Variants in RHPN2 observed in about 807,000 individuals in gnomAD.
RHPN2 encodes rhophilin Rho GTPase binding protein 2.
In RHPN2, 40 loss-of-function variants were observed where a neutral mutation model predicts 79.0. That is an observed-to-expected ratio of 0.51 (90% CI 0.39 to 0.66). The LOEUF is 0.66. RHPN2 is among the 30% of genes least tolerant of loss of function. RHPN2 has a pLI of 0.00. For synonymous variants in RHPN2, 285 were observed against 363.5 expected (o/e 0.78, Z 2.46); for missense variants, 686 against 883.5 (o/e 0.78, Z 2.83).
chr19:33,043,591 C>G (rs1408805597), intron 2 of RHPN2, among the ~76,000 whole-genome samples: 1 of 152,126 alleles, frequency 6.6e-6, no homozygotes, highest in Non-Finnish European at 1.5e-5. Context: ...TAACCATGGT[C>G]TCCAGTAGAA....
chr19:33,003,134 A>T, intron 7 of RHPN2, 134 bp from the exon 8 acceptor site: 2 of 758,274 alleles, frequency 2.6e-6, no homozygotes, highest in Non-Finnish European at 4.5e-6. Context: ...CGAAGTGAGC[A>T]GATCACTTGT....
chr19:33,022,119 T>A (rs1047093354), intron 3 of RHPN2, among the ~76,000 whole-genome samples: 3 of 148,808 alleles, frequency 2.0e-5, no homozygotes, highest in African/African-American at 7.6e-5. Context: ...TTTTGTATAT[T>A]TTTTTAGTAG....
intron 2 of RHPN2, among the ~76,000 whole-genome samples, chr19:33,043,743 C>T (rs1237319847): frequency 6.6e-6 from 1 of 152,124 alleles, no homozygotes; most frequent in Non-Finnish European, 1.5e-5. Flanking sequence ...GGGTAAGTAA[C>T]TGTTTTACCA....
intron 1 of RHPN2, among the ~76,000 whole-genome samples, chr19:33,063,859 GACA>G (rs1166185194): frequency 2.9e-5 from 4 of 138,184 alleles, no homozygotes; most frequent in South Asian, 4.9e-4. Flanking sequence ...AAGTCTCCCG[GACA>G]ACAAGACAAA....
rs2145235553 is a variant in RHPN2, at chr19:33,008,043, C to A, written c.731G>T (p.Ser244Ile). ...GGCTCTCTGAAAGGCATCTATGGCA[C>A]TCTCCAGCCCAGCCTGCGTCTGCCG... ...CDRQTQAGLE[S>I]AIDAFQRAAG... The change falls in exon 7 of 15, where the codon AGT becomes ATT. Residue 244 changes from serine to isoleucine, a missense_variant. Physicochemically the swap from Ser to Ile is moderately radical, Grantham distance 142 (BLOSUM62 -2). Coordinates refer to ENST00000254260, the MANE Select transcript of RHPN2 (RefSeq NM_033103.5). The A allele has an allele frequency of 6.2e-7, 1 of 1,612,898 alleles. No individual in the cohort carries two copies. Among genetic ancestry groups the A allele is most frequent in the African/African-American group, 1.3e-5 (1 of 74,984 alleles).
chr19:33,002,921 G>C lies in RHPN2; in HGVS notation c.840C>G (p.Val280=), dbSNP rs762475495. Residue 280 remains valine (V), a synonymous_variant, in exon 8 of 15, where the codon GTC becomes GTG. Transcript: ENST00000254260. ...DMSPAMLSVL[V]KMMLAQAQES... ...CTTGGGCTTGTGCAAGCATCATTTT[G>C]ACGAGCACGCTGAGCATGGCAGGGC... 18 of 1,613,938 alleles carry C rather than the reference G, an allele frequency of 1.1e-5. No homozygotes were observed. The Admixed American group carries it at 2.8e-4, about 25-fold the overall frequency.
At chr19:32,981,913 A>C (rs1224779916) in intron 14 of RHPN2, among the ~76,000 whole-genome samples, 2 of 151,994 alleles carry the variant, frequency 1.3e-5, no homozygotes, top group African/African-American at 4.8e-5. Flanking sequence ...CTTTCCAAGA[A>C]TCATGTAGGA....
intron 3 of RHPN2, among the ~76,000 whole-genome samples, chr19:33,023,848 G>A (rs1375435520): frequency 2.0e-5 from 3 of 151,870 alleles, no homozygotes; most frequent in Non-Finnish European, 4.4e-5. Flanking sequence ...ATGGTGCCGT[G>A]TTGAATCTGC....
At chr19:33,025,486 A>G (rs1435062302) in intron 3 of RHPN2, among the ~76,000 whole-genome samples, 2 of 152,046 alleles carry the variant, frequency 1.3e-5, no homozygotes, top group Non-Finnish European at 2.9e-5. Flanking sequence ...TGTGTCAAAA[A>G]AAAAAAAGGA....
chr19:33,054,137 A>G (rs1972211939), intron 1 of RHPN2, among the ~76,000 whole-genome samples: 1 of 151,392 alleles, frequency 6.6e-6, no homozygotes. Context: ...TGCTGGGATC[A>G]TAGGTGTGAG....
intron 1 of RHPN2, chr19:33,051,634 G>T: frequency 5.3e-6 from 1 of 189,202 alleles, no homozygotes; most frequent in South Asian, 9.2e-5. Flanking sequence ...GTTATCCTAG[G>T]TGAAATCTGT....
chr19:33,058,131 G>T (rs562752766), intron 1 of RHPN2, among the ~76,000 whole-genome samples: 19 of 152,310 alleles, frequency 1.2e-4, no homozygotes, highest in African/African-American at 4.1e-4. Context: ...CTGCACTCCA[G>T]CCTGGGCAAC....
In RHPN2 at chr19:33,013,199, AAACAAAAAAC is replaced by A. The variant is rs758641386; in HGVS notation, c.391-485_391-476del. Among the ~76,000 whole-genome samples, 258 of 92,788 alleles carry A rather than the reference AAACAAAAAAC, an allele frequency of 2.8e-3. 3 individuals carry two copies. Among genetic ancestry groups the A allele is most frequent in the South Asian group, 0.014 (34 of 2,396 alleles). 60.9% of individuals were successfully genotyped at this position (92,788 alleles called of 152,430 possible). ...CCATAGTTTTTTTTTAAAAAAACAA[AAACAAAAAAC>A]AAAAAACAGAGTTTCACTCCTGTTG... On this transcript the variant is annotated intron_variant, in intron 4 of 14. Transcript: ENST00000254260.
At chr19:32,989,430 G>A (rs1971637422) in intron 14 of RHPN2, among the ~76,000 whole-genome samples, 1 of 152,078 alleles carries the variant, frequency 6.6e-6, no homozygotes, top group African/African-American at 2.4e-5. Flanking sequence ...AATTAAAGGC[G>A]GTAACTGTGC....
chr19:33,047,143 G>A (rs903854830), intron 1 of RHPN2, among the ~76,000 whole-genome samples: 2 of 152,126 alleles, frequency 1.3e-5, no homozygotes, highest in African/African-American at 2.4e-5. Flanking sequence ...TTACAGGTGT[G>A]AGCCACCACA....
intron 2 of RHPN2, among the ~76,000 whole-genome samples, chr19:33,041,295 A>G (rs1312753861): frequency 6.6e-6 from 1 of 152,070 alleles, no homozygotes; most frequent in Non-Finnish European, 1.5e-5. Flanking sequence ...CTAATTTACA[A>G]CTGAAACCAC....
intron 1 of RHPN2, among the ~76,000 whole-genome samples, chr19:33,052,740 A>G (rs1972199163): frequency 6.6e-6 from 1 of 152,190 alleles, no homozygotes; most frequent in Non-Finnish European, 1.5e-5. Flanking sequence ...TGAATTCAGT[A>G]CTTGTCAACA....
At chr19:33,052,987 T>A (rs58603102) in intron 1 of RHPN2, among the ~76,000 whole-genome samples, 3,622 of 152,026 alleles carry the variant, frequency 0.024, 140 homozygotes, top group African/African-American at 0.083. Context: ...TTTTTTTTTT[T>A]TTGAGACGAA....
Position 33,044,321 on chromosome 19 carries a change from T to C in RHPN2, c.113A>G (p.Asn38Ser). Reference sequence around the variant, plus strand: ...CTGCTGATTCAAAGCAGCTCTTTGATTCTGCAATTTACTCCGGCCGGTTTG... The same window carrying C: ...CTGCTGATTCAAAGCAGCTCTTTGACTCTGCAATTTACTCCGGCCGGTTTG... ...LAQTGRSKLQ[N>S]QRAALNQQIL... Residue 38 changes from asparagine to serine, a missense_variant, in exon 2 of 15, where the codon AAT (asparagine) becomes AGT (serine). Physicochemically the swap from Asn to Ser is conservative, Grantham distance 46 (BLOSUM62 1). Coordinates refer to ENST00000254260, the MANE Select transcript of RHPN2 (RefSeq NM_033103.5). The C allele has an allele frequency of 6.2e-7, 1 of 1,614,114 alleles. No individual in the cohort carries two copies. The highest frequency in any genetic ancestry group is 8.5e-7 in the Non-Finnish European group (1 of 1,180,018).
Sources: gnomAD v4.1 joint callset for allele counts (sites outside exome capture counted in the v4.1 genomes callset) on GRCh38, gnomAD v4.1.1 for gene constraint, MANE v1.5 for transcripts, NCBI Gene and HGNC (gene_info 2026-07-23, HGNC 2026-07-21) for gene names.